The following KPNA5 variants were observed in gnomAD, a reference collection of about 807,000 sequenced individuals.
KPNA5 encodes importin subunit alpha-6.
In KPNA5, 46 loss-of-function variants were observed where a neutral mutation model predicts 71.3. The ratio of observed to expected loss-of-function variants is 0.65; its 90% CI spans 0.51 to 0.83. The LOEUF (loss-of-function observed/expected upper bound fraction) is 0.83, where lower values mean the gene tolerates loss of function less well. Ranked by LOEUF, KPNA5 falls within the 40% of genes least tolerant of loss-of-function variation. The pLI, the probability that KPNA5 is intolerant of heterozygous loss-of-function variation, is 0.00. For missense variants in KPNA5, 547 were observed against 628.3 expected (o/e 0.87, Z 1.38); for synonymous variants, 207 against 201.4 (o/e 1.03, Z -0.24).
chr6:116,707,253 T>C (rs1778480036), intron 7 of KPNA5, among the ~76,000 whole-genome samples: 1 of 152,222 alleles, frequency 6.6e-6, no homozygotes, highest in Admixed American at 6.5e-5. Context: ...TATTAATGTA[T>C]CATTTTATCT....
intron 8 of KPNA5, among the ~76,000 whole-genome samples, chr6:116,718,886 G>GC (rs1449007469): frequency 6.6e-6 from 1 of 151,766 alleles, no homozygotes; most frequent in Non-Finnish European, 1.5e-5. Flanking sequence ...TCCTGCCTCA[G>GC]CCCCCCAAGT....
At position 116,681,401 on chromosome 6, in the gene KPNA5, C is replaced by T. The variant is rs1004808370; in HGVS notation, c.4+63C>T. On this transcript the variant is annotated intron_variant, in intron 1 of 13. Coordinates refer to ENST00000368564, the MANE Select transcript of KPNA5 (RefSeq NM_001366306.2). Reference sequence around the variant, plus strand: ...TCGGTTTTGGTCCCTTTGGGAACTACTAGTTCCTGGGGCCACGGTTTTTAT... The same window carrying T: ...TCGGTTTTGGTCCCTTTGGGAACTATTAGTTCCTGGGGCCACGGTTTTTAT... The T allele has an allele frequency of 3.3e-6, 5 of 1,496,648 alleles. No individual in the cohort carries two copies. The African/African-American group carries it at 4.4e-5, about 13-fold the overall frequency. 92.7% of individuals were successfully genotyped at this position (1,496,648 alleles called of 1,614,324 possible).
At chr6:116,684,573 C>G (rs750729965) in intron 1 of KPNA5, among the ~76,000 whole-genome samples, 1 of 152,148 alleles carries the variant, frequency 6.6e-6, no homozygotes, top group African/African-American at 2.4e-5. Context: ...CTCTTAATTT[C>G]TTCCTTATTC....
intron 8 of KPNA5, 81 bp downstream of exon 8, chr6:116,716,399 A>G (rs1245689974): frequency 4.4e-6 from 4 of 904,342 alleles, no homozygotes; most frequent in Non-Finnish European, 7.0e-6. Context: ...TGTTTAAGGA[A>G]CTCCACTTTT....
intron 5 of KPNA5, 107 bp downstream of exon 5, chr6:116,698,905 C>T (rs1275411756): frequency 1.8e-6 from 1 of 548,592 alleles, no homozygotes; most frequent in African/African-American, 2.0e-5. Context: ...TAAGTGAATA[C>T]TTGGTAATTA....
intron 4 of KPNA5, among the ~76,000 whole-genome samples, chr6:116,693,436 C>T (rs1307329936): frequency 9.2e-5 from 14 of 152,102 alleles, no homozygotes; most frequent in African/African-American, 1.7e-4. Context: ...TTCTAACTGG[C>T]GTGAGATGGT....
chr6:116,734,036 T>C lies in KPNA5; in HGVS notation c.*1713T>C, dbSNP rs1429822048. ...TTATTATTAAGTAGAAGATTGTATC[T>C]GTGCCCCTTTTTTCGTAGTGGAAGG... On this transcript the variant is annotated 3_prime_UTR_variant, in exon 14 of 14. Transcript: ENST00000368564. The C allele has an allele frequency of 6.6e-6, 1 of 151,728 alleles. No individual in the cohort carries two copies. Among genetic ancestry groups the C allele is most frequent in the Non-Finnish European group, 1.5e-5 (1 of 67,720 alleles). The allele number at this position is 151,728 out of a possible 1,614,324, so 9.4% of individuals were successfully genotyped here. A position where few individuals can be genotyped will look rare whatever the true frequency, so the allele number is the denominator to read the frequency against.
intron 7 of KPNA5, among the ~76,000 whole-genome samples, chr6:116,713,134 T>G (rs1223035559): frequency 1.3e-5 from 2 of 152,220 alleles, no homozygotes; most frequent in Non-Finnish European, 2.9e-5. Context: ...TACTAGCTCT[T>G]AGAGTTACCT....
chr6:116,697,700 G>A (rs1363152031), intron 4 of KPNA5, among the ~76,000 whole-genome samples: 13 of 151,988 alleles, frequency 8.6e-5, no homozygotes, highest in Non-Finnish European at 1.6e-4. Context: ...AAATGAGTAT[G>A]CTCTTTTTCA....
At chr6:116,721,857 GGT>G (rs1779117152) in intron 8 of KPNA5, among the ~76,000 whole-genome samples, 8 of 151,678 alleles carry the variant, frequency 5.3e-5, no homozygotes, top group Admixed American at 3.3e-4. Context: ...TTTTTGTGGG[GGT>G]GTGTGTGATT....
intron 1 of KPNA5, among the ~76,000 whole-genome samples, chr6:116,685,004 C>T (rs925654181): frequency 7.9e-5 from 12 of 152,164 alleles, no homozygotes; most frequent in Admixed American, 3.9e-4. Flanking sequence ...ATAAACTTGC[C>T]GTATTATCCG....
intron 7 of KPNA5, among the ~76,000 whole-genome samples, chr6:116,711,632 CTGTATTTTTAGTTTCA>C: frequency 6.6e-6 from 1 of 151,354 alleles, no homozygotes; most frequent in Admixed American, 6.6e-5. Flanking sequence ...AGTTTTCTGT[CTGTATTTTTAGTTTCA>C]TTCCATTGTT....
intron 5 of KPNA5, among the ~76,000 whole-genome samples, chr6:116,700,862 C>CT (rs1013016029): frequency 2.0e-5 from 3 of 151,966 alleles, no homozygotes; most frequent in East Asian, 1.9e-4. Context: ...GAAAGTTTAC[C>CT]TTTTTTTTAA....
At chr6:116,715,168 T>G (rs956137797) in intron 7 of KPNA5, among the ~76,000 whole-genome samples, 3 of 152,210 alleles carry the variant, frequency 2.0e-5, no homozygotes, top group Non-Finnish European at 4.4e-5. Flanking sequence ...CATATGTCAC[T>G]CTAAAACAGG....
chr6:116,692,676 T>A (rs1225165027), intron 4 of KPNA5, among the ~76,000 whole-genome samples: 1 of 152,182 alleles, frequency 6.6e-6, no homozygotes, highest in Non-Finnish European at 1.5e-5. Context: ...ATATATTTTT[T>A]AATTCTTGTA....
intron 2 of KPNA5, among the ~76,000 whole-genome samples, chr6:116,690,657 A>G (rs918532466): frequency 5.3e-5 from 8 of 152,054 alleles, no homozygotes; most frequent in South Asian, 4.2e-4. Context: ...AAAAAAAAAA[A>G]AAGAAGAACG....
intron 9 of KPNA5, 82 bp from the exon 10 acceptor site, chr6:116,724,215 A>G: frequency 1.2e-6 from 1 of 821,244 alleles, no homozygotes. Context: ...AACACCCCGC[A>G]GGAGTTTGTA....
chr6:116,721,801 CA>C (rs1243079687), intron 8 of KPNA5, among the ~76,000 whole-genome samples: 1 of 152,146 alleles, frequency 6.6e-6, no homozygotes, highest in Non-Finnish European at 1.5e-5. Flanking sequence ...ATCATCATAT[CA>C]AACACTTAAC....
rs1021961971 is a variant in KPNA5, at chr6:116,733,317, C to G, written c.*994C>G. The stretch of plus-strand genomic sequence containing the variant: ...TTTAGGTACTCGAATGACAAAATTA[C>G]CCTGAAGAAATAACCTTATTATGTG... On this transcript the variant is annotated 3_prime_UTR_variant, in exon 14 of 14. Coordinates refer to ENST00000368564, the MANE Select transcript of KPNA5 (RefSeq NM_001366306.2). 4 of 151,610 alleles carry G rather than the reference C, an allele frequency of 2.6e-5. No individual in the cohort carries two copies. The highest frequency in any genetic ancestry group is 6.6e-5 in the Admixed American group (1 of 15,182). The allele number at this position is 151,610 out of a possible 1,614,324, so 9.4% of individuals were successfully genotyped here. A position where few individuals can be genotyped will look rare whatever the true frequency, so the allele number is the denominator to read the frequency against.
Sources: allele counts gnomAD v4.1 joint callset (sites outside exome capture counted in the v4.1 genomes callset), GRCh38; gene constraint gnomAD v4.1.1; transcripts MANE v1.5; gene names NCBI Gene and HGNC (gene_info 2026-07-23, HGNC 2026-07-21).